Variants in MACROD2 observed in about 807,000 individuals in gnomAD.
The protein encoded by MACROD2 is mono-ADP ribosylhydrolase 2.
In MACROD2, 36 loss-of-function variants were observed where a neutral mutation model predicts 70.4. The ratio of observed to expected loss-of-function variants is 0.51; its 90% confidence interval spans 0.39 to 0.68. MACROD2 has a LOEUF of 0.68. MACROD2 is among the 30% of genes least tolerant of loss of function. The probability of loss-of-function intolerance (pLI) is 0.00; values close to 1 mark genes in which losing one functional copy is unlikely to be tolerated. For missense variants in MACROD2, 496 were observed against 538.4 expected (o/e 0.92, Z 0.78); for synonymous variants, 172 against 178.8 (o/e 0.96, Z 0.30).
chr20:14,822,629 T>G (rs1480338416), intron 5 of MACROD2, among the ~76,000 whole-genome samples: 1 of 152,152 alleles, frequency 6.6e-6, no homozygotes, highest in Non-Finnish European at 1.5e-5. Context: ...CTGAATATTT[T>G]TGTTGAAAAT....
intron 12 of MACROD2, among the ~76,000 whole-genome samples, chr20:15,964,676 C>G (rs917575458): frequency 6.6e-6 from 1 of 152,156 alleles, no homozygotes; most frequent in African/African-American, 2.4e-5. Context: ...AAAAGCTGCA[C>G]TGCCACTTCA....
chr20:14,672,063 G>GGAT (rs1455481406), intron 4 of MACROD2, among the ~76,000 whole-genome samples: 2 of 152,074 alleles, frequency 1.3e-5, no homozygotes, highest in East Asian at 1.9e-4. Flanking sequence ...CTTCTGATGA[G>GGAT]GATGATGATG....
chr20:15,264,795 A>G (rs1217135783), intron 6 of MACROD2, among the ~76,000 whole-genome samples: 2 of 152,068 alleles, frequency 1.3e-5, no homozygotes, highest in Non-Finnish European at 1.5e-5. Flanking sequence ...AATTTTCCCT[A>G]GTGAAATAAG....
chr20:15,902,003 C>T (rs2147245614), intron 10 of MACROD2, among the ~76,000 whole-genome samples: 2 of 152,326 alleles, frequency 1.3e-5, no homozygotes, highest in South Asian at 4.1e-4. Flanking sequence ...GCCAATGGAA[C>T]CCTGGGGGAG....
At chr20:15,230,586 T>C (rs899859566) in intron 6 of MACROD2, among the ~76,000 whole-genome samples, 1 of 152,164 alleles carries the variant, frequency 6.6e-6, no homozygotes, top group Non-Finnish European at 1.5e-5. Flanking sequence ...TTCTTTTAGA[T>C]TTATTTTACT....
At chr20:14,347,054 C>T (rs760205536) in intron 3 of MACROD2, among the ~76,000 whole-genome samples, 1 of 152,116 alleles carries the variant, frequency 6.6e-6, no homozygotes, top group African/African-American at 2.4e-5. Context: ...AGAAGGTCAG[C>T]AACAATTTAA....
intron 4 of MACROD2, among the ~76,000 whole-genome samples, chr20:14,579,008 T>C (rs1426338684): frequency 6.6e-6 from 1 of 152,122 alleles, no homozygotes; most frequent in African/African-American, 2.4e-5. Context: ...AAGCTGCTGC[T>C]AGCTAAAAGT....
At chr20:15,164,558 T>A (rs905977002) in intron 5 of MACROD2, among the ~76,000 whole-genome samples, 1 of 152,102 alleles carries the variant, frequency 6.6e-6, no homozygotes, top group Non-Finnish European at 1.5e-5. Flanking sequence ...CATGCTATAT[T>A]AGAAAAAATA....
chr20:15,190,799 A>G (rs1431750091), intron 5 of MACROD2, among the ~76,000 whole-genome samples: 1 of 152,090 alleles, frequency 6.6e-6, no homozygotes, highest in Admixed American at 6.5e-5. Context: ...GCAGGTTTAG[A>G]ATTGGCATTT....
chr20:14,233,620 C>G (rs1381166510), intron 3 of MACROD2, among the ~76,000 whole-genome samples: 1 of 148,338 alleles, frequency 6.7e-6, no homozygotes, highest in Non-Finnish European at 1.5e-5. Flanking sequence ...TGGCCTGAAC[C>G]CGGGAGGCAG....
At chr20:15,026,206 C>T (rs1202749953) in intron 5 of MACROD2, among the ~76,000 whole-genome samples, 2 of 152,092 alleles carry the variant, frequency 1.3e-5, no homozygotes, top group African/African-American at 4.8e-5. Flanking sequence ...CTTGAGTATC[C>T]AGTGGTAAAT....
At chr20:15,220,093 A>G (rs1002656012) in intron 5 of MACROD2, among the ~76,000 whole-genome samples, 3 of 151,656 alleles carry the variant, frequency 2.0e-5, no homozygotes, top group Non-Finnish European at 4.4e-5. Flanking sequence ...TCCATAGTGC[A>G]GTCATTAGGA....
At chr20:14,658,347 C>G (rs1014327997) in intron 4 of MACROD2, among the ~76,000 whole-genome samples, 6 of 151,350 alleles carry the variant, frequency 4.0e-5, no homozygotes, top group Non-Finnish European at 8.8e-5. Flanking sequence ...ATCTCAGAAA[C>G]TTAAATTATC....
At chr20:14,571,281 A>G (rs942879429) in intron 4 of MACROD2, among the ~76,000 whole-genome samples, 1 of 152,076 alleles carries the variant, frequency 6.6e-6, no homozygotes, top group Non-Finnish European at 1.5e-5. Context: ...TTTTAAGGTC[A>G]TAGGAGATGA....
chr20:14,846,219 C>T (rs1424373831), intron 5 of MACROD2, among the ~76,000 whole-genome samples: 1 of 151,972 alleles, frequency 6.6e-6, no homozygotes, highest in Non-Finnish European at 1.5e-5. Flanking sequence ...ATTAAAATGT[C>T]AACTTTTTTC....
chr20:14,322,647 G>T (rs1280169686), intron 3 of MACROD2, among the ~76,000 whole-genome samples: 1 of 152,050 alleles, frequency 6.6e-6, no homozygotes, highest in Non-Finnish European at 1.5e-5. Flanking sequence ...GAAACATTTT[G>T]AAGACAGCAA....
chr20:14,979,141 G>A (rs979883180), intron 5 of MACROD2, among the ~76,000 whole-genome samples: 15 of 146,788 alleles, frequency 1.0e-4, no homozygotes, highest in African/African-American at 3.3e-4. Flanking sequence ...TTAATTTTTT[G>A]TAGAGACAGG....
At chr20:15,588,622 A>C (rs1330077962) in intron 8 of MACROD2, among the ~76,000 whole-genome samples, 1 of 152,220 alleles carries the variant, frequency 6.6e-6, no homozygotes, top group Non-Finnish European at 1.5e-5. Flanking sequence ...TTCTTCTGCC[A>C]GATACCCTAA....
At chr20:14,988,355 CAAAAAAAAA>C (rs11087116) in intron 5 of MACROD2, among the ~76,000 whole-genome samples, 3 of 112,244 alleles carry the variant, frequency 2.7e-5, no homozygotes, top group African/African-American at 3.5e-5. Context: ...GAGACTCTGT[CAAAAAAAAA>C]AAAAAAAAAA....
Sources: allele counts gnomAD v4.1 joint callset (sites outside exome capture counted in the v4.1 genomes callset), GRCh38; gene constraint gnomAD v4.1.1; transcripts MANE v1.5; gene names NCBI Gene and HGNC (gene_info 2026-07-23, HGNC 2026-07-21).